TRIP12: variants seen among roughly 807,000 people sequenced by gnomAD.
TRIP12 encodes thyroid hormone receptor interactor 12, also known as E3 ubiquitin-protein ligase TRIP12.
TRIP12 carries 25 observed loss-of-function variants against 244.2 expected under a neutral mutation model. That is an observed-to-expected ratio of 0.10 (90% confidence interval 0.07 to 0.14). TRIP12 has a LOEUF of 0.14. TRIP12 is among the 10% of genes least tolerant of loss of function. The pLI is 1.00. For missense variants in TRIP12, 1,677 were observed against 2,486.4 expected, an observed-to-expected ratio of 0.67 and a Z score of 6.92; for synonymous variants, 905 against 873.1, an observed-to-expected ratio of 1.04 and a Z score of -0.64.
chr2:229,883,582 C>A (rs548865142), intron 1 of TRIP12, among the ~76,000 whole-genome samples: 1 of 152,254 alleles, frequency 6.6e-6, no homozygotes, highest in South Asian at 2.1e-4. Flanking sequence ...CTTTTCTAAC[C>A]ATGGCCATAC....
chr2:229,881,352 G>A (rs778371158), intron 1 of TRIP12, among the ~76,000 whole-genome samples: 1 of 152,104 alleles, frequency 6.6e-6, no homozygotes, highest in Non-Finnish European at 1.5e-5. Flanking sequence ...ACTATTTTTT[G>A]TAAGCCTGCA....
rs370046944 is a variant in TRIP12, at chr2:229,811,242, T to C, written c.1987-38A>G. The C allele has an allele frequency of 3.2e-5, 51 of 1,581,748 alleles. No individual in the cohort carries two copies. The Admixed American group carries it at 4.6e-4, about 14-fold the overall frequency. ...TAAAGGAAAATAAAATTTATTAGCA[T>C]AAAGCATTTTCACTGTCATGTATCA... On this transcript the variant is annotated intron_variant, in intron 13 of 41. Transcript: ENST00000675903.
At chr2:229,843,728 T>G (rs1461397399) in intron 4 of TRIP12, among the ~76,000 whole-genome samples, 1 of 151,762 alleles carries the variant, frequency 6.6e-6, no homozygotes, top group Non-Finnish European at 1.5e-5. Flanking sequence ...AAAAAATAAA[T>G]AAATAAAAAT....
At chr2:229,850,730 G>A (rs1425409531) in intron 4 of TRIP12, among the ~76,000 whole-genome samples, 4 of 152,334 alleles carry the variant, frequency 2.6e-5, no homozygotes, top group Admixed American at 6.5e-5. Flanking sequence ...AGAGGCGCGA[G>A]TGGGAACGGG....
chr2:229,789,620 G>A lies in TRIP12; in HGVS notation c.4686C>T (p.Tyr1562=). 2 of 1,613,690 alleles carry A rather than the reference G, an allele frequency of 1.2e-6. No individual in the cohort carries two copies. The highest frequency in any genetic ancestry group is 8.5e-7 in the Non-Finnish European group (1 of 1,179,804). ...VLHAISRYWY[Y]LYDNAMCKEI... ...AGGCAACATTACTCACATCATACAA[G>A]TAATACCAGTATCGACTGATAGCAT... The change falls in exon 31 of 42, where the codon TAC becomes TAT. Residue 1562 remains tyrosine, a synonymous_variant. Coordinates refer to ENST00000675903, the MANE Select transcript of TRIP12 (RefSeq NM_001348323.3).
chr2:229,848,614 CAAGA>C (rs900686779), intron 4 of TRIP12, among the ~76,000 whole-genome samples: 4 of 151,972 alleles, frequency 2.6e-5, no homozygotes, highest in African/African-American at 9.7e-5. Context: ...AATAGAAAAT[CAAGA>C]AAGAGAAAAC....
At chr2:229,828,153 G>C (rs913954817) in intron 8 of TRIP12, among the ~76,000 whole-genome samples, 1 of 152,130 alleles carries the variant, frequency 6.6e-6, no homozygotes, top group Non-Finnish European at 1.5e-5. Context: ...AATGAGGCTA[G>C]AAATAAAGAT....
rs1376823124 is a variant in TRIP12, at chr2:229,918,462, G to C, written c.-50+3418C>G. ...GTTCTGTAAAGAAAACAGTGACCAA[G>C]ATTCAGAAGCATTATTCCCTAATTG... On this transcript the variant is annotated intron_variant, in intron 1 of 41. Coordinates refer to ENST00000675903, the MANE Select transcript of TRIP12 (RefSeq NM_001348323.3). 2.0e-5 allele frequency among the ~76,000 whole-genome samples: 3 copies of C among 152,194 alleles called. No individual in the cohort carries two copies. In the East Asian group the frequency reaches 5.8e-4, roughly 29 times the overall value.
chr2:229,799,709 A>C (rs59736732), intron 21 of TRIP12, among the ~76,000 whole-genome samples: 2,357 of 151,828 alleles, frequency 0.016, 70 homozygotes, highest in African/African-American at 0.054. Context: ...CGGGAGGCGG[A>C]GCTTGCAGTG....
At chr2:229,914,535 G>C (rs1431993572) in intron 1 of TRIP12, among the ~76,000 whole-genome samples, 3 of 152,184 alleles carry the variant, frequency 2.0e-5, no homozygotes, top group Non-Finnish European at 2.9e-5. Flanking sequence ...CAACTGAAGA[G>C]AGAATTTCAA....
upstream of TRIP12, chr2:229,923,174 A>G (rs2076828246): frequency 6.6e-6 from 1 of 152,516 alleles, no homozygotes; most frequent in African/African-American, 2.4e-5. Flanking sequence ...TATCCCATTG[A>G]AAGTGTGCGG....
chr2:229,819,085 C>CACACACAA (rs1553640456), intron 8 of TRIP12, among the ~76,000 whole-genome samples: 1 of 109,696 alleles, frequency 9.1e-6, no homozygotes, highest in African/African-American at 2.7e-5. Flanking sequence ...CACACACACA[C>CACACACAA]AATTATAAAC....
At chr2:229,906,303 C>CAAAAAAAAA (rs34519454) in intron 1 of TRIP12, among the ~76,000 whole-genome samples, 1 of 98,976 alleles carries the variant, frequency 1.0e-5, no homozygotes, top group African/African-American at 3.8e-5. Flanking sequence ...GAGACTGTCT[C>CAAAAAAAAA]AAAAAAAAAA....
At chr2:229,921,412 T>C (rs114119179) in intron 1 of TRIP12, 4,839 of 152,360 alleles carry the variant, frequency 0.032, 259 homozygotes, top group African/African-American at 0.11. Flanking sequence ...GGGCCCCTCG[T>C]CCCATTTCCG....
chr2:229,836,028 A>G (rs977413748), intron 6 of TRIP12, among the ~76,000 whole-genome samples: 5 of 152,256 alleles, frequency 3.3e-5, no homozygotes, highest in African/African-American at 1.2e-4. Context: ...ACAAGAAGAC[A>G]TCAATAGCGG....
intron 5 of TRIP12, among the ~76,000 whole-genome samples, chr2:229,837,205 T>C (rs776188945): frequency 7.2e-5 from 11 of 152,254 alleles, no homozygotes; most frequent in Non-Finnish European, 1.5e-4. Flanking sequence ...CTTTTGTTAC[T>C]GTGAGCTGTT....
chr2:229,819,554 T>A (rs2154288574), intron 8 of TRIP12, among the ~76,000 whole-genome samples: 1 of 152,224 alleles, frequency 6.6e-6, no homozygotes, highest in South Asian at 2.1e-4. Context: ...CAAAATTAAT[T>A]AATTAATTTT....
intron 39 of TRIP12, 69 bp downstream of exon 39, chr2:229,771,450 C>G: frequency 2.2e-6 from 3 of 1,344,944 alleles, no homozygotes; most frequent in Non-Finnish European, 3.2e-6. Flanking sequence ...CGGTCTTTGA[C>G]TAGGCAGCAC....
At chr2:229,786,334 G>C (rs1174647279) in intron 33 of TRIP12, among the ~76,000 whole-genome samples, 3 of 150,318 alleles carry the variant, frequency 2.0e-5, no homozygotes, top group Non-Finnish European at 4.4e-5. Context: ...GGTCCTGCTA[G>C]ATTTCTAATT....
Sources: gnomAD v4.1 joint callset for allele counts (sites outside exome capture counted in the v4.1 genomes callset) on GRCh38, gnomAD v4.1.1 for gene constraint, MANE v1.5 for transcripts, NCBI Gene and HGNC (gene_info 2026-07-23, HGNC 2026-07-21) for gene names.